The following MAD1L1 variants were observed in gnomAD, a reference collection of about 807,000 sequenced individuals.
MAD1L1 encodes the protein mitotic arrest deficient 1 like 1, also known as mitotic spindle assembly checkpoint protein MAD1.
MAD1L1 carries 95 observed loss-of-function variants against 96.9 expected under a neutral mutation model. That is an observed-to-expected ratio of 0.98 (90% CI 0.83 to 1.16). The LOEUF (loss-of-function observed/expected upper bound fraction) is 1.16, where lower values mean the gene tolerates loss of function less well. MAD1L1 is among the 50% of genes most tolerant of loss of function. The pLI is 0.00. For missense variants in MAD1L1, 1,007 were observed against 954.4 expected (o/e 1.06, Z -0.73); for synonymous variants, 473 against 396.6 (o/e 1.19, Z -2.29).
chr7:2,074,396 C>A (rs1785281967), intron 11 of MAD1L1, among the ~76,000 whole-genome samples: 1 of 152,164 alleles, frequency 6.6e-6, no homozygotes, highest in African/African-American at 2.4e-5. Flanking sequence ...AGGCTGACAT[C>A]ATTAAAATGT....
chr7:2,206,338 T>C (rs1386583139), intron 10 of MAD1L1, among the ~76,000 whole-genome samples: 3 of 152,250 alleles, frequency 2.0e-5, no homozygotes, highest in Non-Finnish European at 4.4e-5. Flanking sequence ...TCAATTTTGA[T>C]GAAGTCTAAT....
intron 18 of MAD1L1, among the ~76,000 whole-genome samples, chr7:1,893,392 T>C (rs1786670631): frequency 6.6e-6 from 1 of 152,188 alleles, no homozygotes; most frequent in South Asian, 2.1e-4. Context: ...GCTTCGGCTA[T>C]TTCTAACTCT....
intron 18 of MAD1L1, among the ~76,000 whole-genome samples, chr7:1,862,043 G>C (rs1784558596): frequency 6.6e-6 from 1 of 152,196 alleles, no homozygotes; most frequent in Admixed American, 6.5e-5. Context: ...TCTCTTGAAG[G>C]CCTCCTAGAC....
At chr7:2,080,387 T>C (rs972696541) in intron 11 of MAD1L1, among the ~76,000 whole-genome samples, 2 of 152,064 alleles carry the variant, frequency 1.3e-5, no homozygotes, top group Admixed American at 6.5e-5. Flanking sequence ...AAGACATGAG[T>C]TCCCACCCAC....
At chr7:2,110,196 T>G (rs1236417246) in intron 11 of MAD1L1, among the ~76,000 whole-genome samples, 1 of 152,210 alleles carries the variant, frequency 6.6e-6, no homozygotes, top group Non-Finnish European at 1.5e-5. Flanking sequence ...TCTTGAAGCC[T>G]CCTCCTGTGA....
chr7:1,869,281 C>A (rs2128654126), intron 18 of MAD1L1, among the ~76,000 whole-genome samples: 1 of 152,292 alleles, frequency 6.6e-6, no homozygotes, highest in Admixed American at 6.5e-5. Flanking sequence ...GCCTGGGACC[C>A]CCTCCCACAG....
chr7:2,117,245 C>A (rs57403212), intron 11 of MAD1L1, among the ~76,000 whole-genome samples: 53 of 152,330 alleles, frequency 3.5e-4, no homozygotes, highest in African/African-American at 1.2e-3. Flanking sequence ...GGAAGCTGCA[C>A]CCCATTCCCA....
chr7:2,038,962 G>GA (rs1187024115), intron 12 of MAD1L1, among the ~76,000 whole-genome samples: 1 of 152,164 alleles, frequency 6.6e-6, no homozygotes, highest in Non-Finnish European at 1.5e-5. Context: ...TGCCGACAAT[G>GA]ATACAGTCAA....
Position 2,219,445 on chromosome 7 carries a change from T to A in MAD1L1, c.483A>T (p.Ala161=). Residue 161 remains alanine, a synonymous_variant, in exon 6 of 19, where the codon GCA becomes GCT. Transcript: ENST00000265854. ...SLAQAGETIN[A]LKGRISELQW... is the part of the protein sequence containing the mutation. ...GCAGTTCCGAGATCCTCCCCTTCAGTGCGTTGATGGTCTAAAAGTAGAGGG... is the reference window on the plus strand; with the variant it reads ...GCAGTTCCGAGATCCTCCCCTTCAGAGCGTTGATGGTCTAAAAGTAGAGGG... 6.2e-7 allele frequency: 1 copy of A among 1,613,618 alleles called. No individual in the cohort carries two copies. Among genetic ancestry groups the A allele is most frequent in the Non-Finnish European group, 8.5e-7 (1 of 1,179,848 alleles).
At chr7:1,947,005 C>T (rs573525731) in intron 16 of MAD1L1, among the ~76,000 whole-genome samples, 10 of 152,322 alleles carry the variant, frequency 6.6e-5, no homozygotes, top group African/African-American at 1.4e-4. Flanking sequence ...CTGTGAGTTC[C>T]GCCCCTAACT....
chr7:2,127,868 C>T (rs972400902), intron 11 of MAD1L1, among the ~76,000 whole-genome samples: 6 of 152,146 alleles, frequency 3.9e-5, no homozygotes, highest in Admixed American at 2.0e-4. Context: ...CACGCAGGCA[C>T]GCAGCTGGCA....
At chr7:1,841,477 G>A (rs372195582) in intron 18 of MAD1L1, among the ~76,000 whole-genome samples, 2 of 152,342 alleles carry the variant, frequency 1.3e-5, no homozygotes, top group South Asian at 4.1e-4. Flanking sequence ...AGGAAGTCAC[G>A]GAACCGGCTG....
chr7:2,044,919 G>A (rs1783853227), intron 12 of MAD1L1, among the ~76,000 whole-genome samples: 1 of 152,154 alleles, frequency 6.6e-6, no homozygotes, highest in South Asian at 2.1e-4. Flanking sequence ...CCCCGGGCCA[G>A]GCCTGTCACC....
At chr7:2,127,189 C>A (rs986823243) in intron 11 of MAD1L1, among the ~76,000 whole-genome samples, 1 of 152,208 alleles carries the variant, frequency 6.6e-6, no homozygotes, top group Non-Finnish European at 1.5e-5. Context: ...CATGAGCCCA[C>A]GGGCCTTTGC....
intron 18 of MAD1L1, among the ~76,000 whole-genome samples, chr7:1,820,586 G>A (rs1160323961): frequency 1.3e-5 from 2 of 152,032 alleles, no homozygotes; most frequent in Non-Finnish European, 1.5e-5. Flanking sequence ...GGACAACACA[G>A]TGAGACCCCA....
At chr7:2,013,031 C>T (rs553433273) in intron 13 of MAD1L1, among the ~76,000 whole-genome samples, 1 of 152,402 alleles carries the variant, frequency 6.6e-6, no homozygotes, top group African/African-American at 2.4e-5. Context: ...AGAAATTCAG[C>T]TCCTCCTAAC....
At chr7:1,917,073 C>A (rs1464671411) in intron 17 of MAD1L1, among the ~76,000 whole-genome samples, 4 of 152,222 alleles carry the variant, frequency 2.6e-5, no homozygotes, top group Non-Finnish European at 1.5e-5. Flanking sequence ...GACAAGGATG[C>A]CCACAGCTCG....
At chr7:1,862,407 T>C (rs1784576937) in intron 18 of MAD1L1, among the ~76,000 whole-genome samples, 1 of 152,236 alleles carries the variant, frequency 6.6e-6, no homozygotes, top group South Asian at 2.1e-4. Context: ...CCCTGTCCTG[T>C]GCATGAAGTC....
rs934025235 is a variant in MAD1L1, at chr7:1,913,170, T to C, written c.1808-14780A>G. 1.2e-3 allele frequency among the ~76,000 whole-genome samples: 186 copies of C among 152,274 alleles called. 1 individual carries two copies. Among genetic ancestry groups the C allele is most frequent in the African/African-American group, 4.4e-3 (184 of 41,542 alleles). ...ACCTGCTAATGTAGGCAGCGAGGCC[T>C]CGGATTCCTATGTAATGAACTCTTC... On this transcript the variant is annotated intron_variant, in intron 17 of 18. Coordinates refer to ENST00000265854, the MANE Select transcript of MAD1L1 (RefSeq NM_001013836.2).
Sources: allele counts gnomAD v4.1 joint callset (sites outside exome capture counted in the v4.1 genomes callset), GRCh38; gene constraint gnomAD v4.1.1; transcripts MANE v1.5; gene names NCBI Gene and HGNC (gene_info 2026-07-23, HGNC 2026-07-21).